NDUFS4: variants seen among roughly 807,000 people sequenced by gnomAD.
The protein encoded by NDUFS4 is NADH dehydrogenase [ubiquinone] iron-sulfur protein 4, mitochondrial.
A neutral mutation model predicts 24.3 loss-of-function variants in NDUFS4; 28 were observed. The ratio of observed to expected loss-of-function variants is 1.15; its 90% CI spans 0.85 to 1.58. The LOEUF (loss-of-function observed/expected upper bound fraction) is 1.58. NDUFS4 is among the 40% of genes most tolerant of loss of function. The probability of loss-of-function intolerance (pLI) is 0.00; values close to 1 mark genes in which losing one functional copy is unlikely to be tolerated. For synonymous variants in NDUFS4, 93 were observed against 69.7 expected, an observed-to-expected ratio of 1.34 and a Z score of -1.67; for missense variants, 223 against 207.9, an observed-to-expected ratio of 1.07 and a Z score of -0.45.
At position 53,611,225 on chromosome 5, in the gene NDUFS4, A is replaced by G. The variant is rs569087233; in HGVS notation, c.177+7695A>G. Among the ~76,000 whole-genome samples the G allele has an allele frequency of 2.7e-5, 4 of 150,806 alleles. No homozygotes were observed. The South Asian group carries it at 8.4e-4, about 32-fold the overall frequency. Reference sequence around the variant, plus strand: ...TTGTGGTTTTTTTTTTTTTCTGGGCATCAATTATGTATCAACAACATGTAT... The same window carrying G: ...TTGTGGTTTTTTTTTTTTTCTGGGCGTCAATTATGTATCAACAACATGTAT... On this transcript the variant is annotated intron_variant, in intron 2 of 4. Transcript: ENST00000296684.
intron 3 of NDUFS4, 135 bp from the exon 4 acceptor site, chr5:53,658,416 G>T (rs963247899): frequency 4.6e-6 from 3 of 650,632 alleles, no homozygotes; most frequent in Non-Finnish European, 8.1e-6. Context: ...CAGTTTTAAA[G>T]AAATTATTAC....
At chr5:53,676,967 T>C (rs1198582243) in intron 4 of NDUFS4, among the ~76,000 whole-genome samples, 2 of 152,178 alleles carry the variant, frequency 1.3e-5, no homozygotes, top group African/African-American at 4.8e-5. Context: ...TTACTGACGT[T>C]CCTGGTATAT....
At chr5:53,592,257 G>A (rs909496588) in intron 1 of NDUFS4, among the ~76,000 whole-genome samples, 2 of 152,026 alleles carry the variant, frequency 1.3e-5, no homozygotes, top group African/African-American at 4.8e-5. Flanking sequence ...CGGCATTGTT[G>A]AGTTTTAAGA....
chr5:53,582,913 T>A (rs1749619584), intron 1 of NDUFS4, among the ~76,000 whole-genome samples: 2 of 152,260 alleles, frequency 1.3e-5, no homozygotes, highest in African/African-American at 2.4e-5. Flanking sequence ...TAGCATATAT[T>A]TTTTTTGAGT....
intron 1 of NDUFS4, among the ~76,000 whole-genome samples, chr5:53,570,973 G>A (rs1160690626): frequency 1.3e-5 from 2 of 151,922 alleles, no homozygotes; most frequent in African/African-American, 2.4e-5. Context: ...CATGAGCCAC[G>A]GCGCCCGGCT....
intron 2 of NDUFS4, among the ~76,000 whole-genome samples, chr5:53,612,993 T>C (rs1009582630): frequency 7.9e-5 from 12 of 152,126 alleles, no homozygotes; most frequent in African/African-American, 1.4e-4. Context: ...TGAAAACTTA[T>C]ATAAGTCTGC....
At chr5:53,650,089 T>C (rs903496629) in intron 3 of NDUFS4, among the ~76,000 whole-genome samples, 2 of 152,190 alleles carry the variant, frequency 1.3e-5, no homozygotes, top group African/African-American at 4.8e-5. Flanking sequence ...GATTGAAATG[T>C]TAATGATTAC....
intron 2 of NDUFS4, among the ~76,000 whole-genome samples, chr5:53,645,710 A>T (rs904328016): frequency 6.6e-5 from 10 of 152,208 alleles, no homozygotes; most frequent in African/African-American, 2.4e-4. Flanking sequence ...TTAAATTTAC[A>T]ACTTTACAAA....
At position 53,683,311 on chromosome 5, in the gene NDUFS4, T is replaced by A; in HGVS notation, c.*90T>A. The A allele has an allele frequency of 1.1e-6, 1 of 934,572 alleles. No homozygotes were observed. Among genetic ancestry groups the A allele is most frequent in the Non-Finnish European group, 1.7e-6 (1 of 574,170 alleles). 57.9% of individuals were successfully genotyped at this position (934,572 alleles called of 1,614,324 possible). On this transcript the variant is annotated 3_prime_UTR_variant, in exon 5 of 5. Transcript: ENST00000296684. ...TGTATAATAAATACATCTCTTAATC[T>A]CCTAATAAATTGGACCTTTAAACTA...
At chr5:53,604,678 T>C (rs1338815375) in intron 2 of NDUFS4, 1 of 449,250 alleles carries the variant, frequency 2.2e-6, no homozygotes, top group Non-Finnish European at 4.5e-6. Flanking sequence ...AATCCTAACA[T>C]GGTCTTTGAC....
Position 53,571,577 on chromosome 5 carries a change from A to G in NDUFS4, c.98+10817A>G, listed in dbSNP as rs372863239. Among the ~76,000 whole-genome samples the G allele has an allele frequency of 7.9e-5, 12 of 152,310 alleles. No homozygotes were observed. In the East Asian group the frequency reaches 1.7e-3, roughly 22 times the overall value. On this transcript the variant is annotated intron_variant, in intron 1 of 4. Coordinates refer to ENST00000296684, the MANE Select transcript of NDUFS4 (RefSeq NM_002495.4). ...AATTGCAGGATAATGTAATAACTCT[A>G]TATTTAGCCTTTTGAGTAACTGTCA...
intron 3 of NDUFS4, among the ~76,000 whole-genome samples, chr5:53,653,335 C>G (rs1752071906): frequency 6.6e-6 from 1 of 152,152 alleles, no homozygotes; most frequent in Non-Finnish European, 1.5e-5. Context: ...AAGTGGACAT[C>G]TTAGGTTGGC....
In NDUFS4 at chr5:53,662,542, A is replaced by G. The variant is rs537217069; in HGVS notation, c.424+3918A>G. On this transcript the variant is annotated intron_variant, in intron 4 of 4. Coordinates refer to ENST00000296684, the MANE Select transcript of NDUFS4 (RefSeq NM_002495.4). ...GTTAGGGAGGATTCCTTCTTTTTCTATTGATTGGAATAGTTTCAGAAGGAA... is the reference window on the plus strand; with the variant it reads ...GTTAGGGAGGATTCCTTCTTTTTCTGTTGATTGGAATAGTTTCAGAAGGAA... 1.3e-3 allele frequency among the ~76,000 whole-genome samples: 201 copies of G among 152,060 alleles called. 10 individuals are homozygous for G. The South Asian group carries it at 0.039, about 30-fold the overall frequency.
chr5:53,616,045 T>G (rs1579876604), intron 2 of NDUFS4, among the ~76,000 whole-genome samples: 1 of 151,906 alleles, frequency 6.6e-6, no homozygotes, highest in African/African-American at 2.4e-5. Flanking sequence ...ATCTTAAACA[T>G]TCAAATATGG....
intron 1 of NDUFS4, among the ~76,000 whole-genome samples, chr5:53,599,323 T>G (rs1561353293): frequency 6.6e-6 from 1 of 152,196 alleles, no homozygotes; most frequent in African/African-American, 2.4e-5. Flanking sequence ...TAATTCTGTT[T>G]ACTTTTTGAG....
At chr5:53,639,962 T>C (rs1473362323) in intron 2 of NDUFS4, among the ~76,000 whole-genome samples, 2 of 152,176 alleles carry the variant, frequency 1.3e-5, no homozygotes, top group Non-Finnish European at 2.9e-5. Flanking sequence ...TCAAATATTT[T>C]TCTTATGGAG....
intron 2 of NDUFS4, among the ~76,000 whole-genome samples, chr5:53,611,554 C>T (rs868203328): frequency 2.0e-5 from 3 of 151,930 alleles, no homozygotes; most frequent in African/African-American, 7.2e-5. Flanking sequence ...TGAAAATAAT[C>T]CTGTAAGCTT....
rs531572914 is a variant in NDUFS4, at chr5:53,575,452, C to T, written c.98+14692C>T. ...GATTATTTTTAAAGCTAAACGCTAACATTTCTTGCATCTTAGCACATCTGA... is the reference window on the plus strand; with the variant it reads ...GATTATTTTTAAAGCTAAACGCTAATATTTCTTGCATCTTAGCACATCTGA... On this transcript the variant is annotated intron_variant, in intron 1 of 4. Transcript: ENST00000296684. 1.9e-4 allele frequency among the ~76,000 whole-genome samples: 28 copies of T among 149,798 alleles called. 1 individual carries two copies. In the South Asian group the frequency reaches 5.8e-3, roughly 31 times the overall value.
At chr5:53,604,716 C>G (rs1289182236) in intron 2 of NDUFS4, 1 of 455,494 alleles carries the variant, frequency 2.2e-6, no homozygotes, top group Non-Finnish European at 4.4e-6. Context: ...TCCTGCCTTC[C>G]TCTCTAGGTT....
Sources: allele counts gnomAD v4.1 joint callset (sites outside exome capture counted in the v4.1 genomes callset), GRCh38; gene constraint gnomAD v4.1.1; transcripts MANE v1.5; gene names NCBI Gene and HGNC (gene_info 2026-07-23, HGNC 2026-07-21).